Variants in CYB5A observed in about 807,000 individuals in gnomAD.
The protein encoded by CYB5A is cytochrome b5 type A, also known as cytochrome b5.
A neutral mutation model predicts 16.2 loss-of-function variants in CYB5A; 10 were observed. That is an observed-to-expected ratio of 0.62 (90% confidence interval 0.38 to 1.04). The LOEUF (loss-of-function observed/expected upper bound fraction) is 1.04, where lower values mean the gene tolerates loss of function less well. Among genes scored for constraint, CYB5A ranks in the 50% least tolerant of loss-of-function variants. The pLI, the probability that CYB5A is intolerant of heterozygous loss-of-function variation, is 0.01. For missense variants in CYB5A, 161 were observed against 165.9 expected, an observed-to-expected ratio of 0.97 and a Z score of 0.16; for synonymous variants, 62 against 57.0, an observed-to-expected ratio of 1.09 and a Z score of -0.40.
intron 1 of CYB5A, among the ~76,000 whole-genome samples, chr18:74,280,577 C>CAA (rs1298855875): frequency 4.1e-4 from 39 of 95,672 alleles, no homozygotes; most frequent in South Asian, 2.7e-3. Context: ...GACCCTGTCT[C>CAA]AAAAAAAAAA....
intron 1 of CYB5A, among the ~76,000 whole-genome samples, chr18:74,276,087 A>G (rs997607276): frequency 3.3e-5 from 5 of 152,230 alleles, no homozygotes; most frequent in African/African-American, 1.2e-4. Flanking sequence ...CTCCTCTGTG[A>G]GCCTGGCATC....
In CYB5A at chr18:74,270,359, G is replaced by A. The variant is rs992226899; in HGVS notation, c.130-6882C>T. Reference sequence around the variant, plus strand: ...TGCTTGAGGCAAGAAGTTCAATGTCGCAGTGAGCTATGACTGCATCAGTGC... The same window carrying A: ...TGCTTGAGGCAAGAAGTTCAATGTCACAGTGAGCTATGACTGCATCAGTGC... On this transcript the variant is annotated intron_variant, in intron 1 of 4. Coordinates refer to ENST00000340533, the MANE Select transcript of CYB5A (RefSeq NM_148923.4). Among the ~76,000 whole-genome samples, 12 of 152,120 alleles carry A rather than the reference G, an allele frequency of 7.9e-5. No homozygotes were observed. The South Asian group carries it at 1.2e-3, about 16-fold the overall frequency.
chr18:74,278,513 A>G (rs577110172), intron 1 of CYB5A, among the ~76,000 whole-genome samples: 1 of 152,230 alleles, frequency 6.6e-6, no homozygotes, highest in African/African-American at 2.4e-5. Context: ...TCCAGCACCA[A>G]ACCCAAGGGA....
chr18:74,291,312 AC>A (rs1983525960), intron 1 of CYB5A, among the ~76,000 whole-genome samples: 1 of 152,240 alleles, frequency 6.6e-6, no homozygotes, highest in Non-Finnish European at 1.5e-5. Flanking sequence ...CTGCTCCAGC[AC>A]CACCTAGCGA....
At chr18:74,255,887 CAGA>C in intron 3 of CYB5A, 112 bp from the exon 4 acceptor site, 1 of 828,646 alleles carries the variant, frequency 1.2e-6, no homozygotes, top group Non-Finnish European at 2.1e-6. Flanking sequence ...ATGCATTCTT[CAGA>C]AGATGTCGAA....
intron 1 of CYB5A, among the ~76,000 whole-genome samples, chr18:74,274,150 T>C (rs771586775): frequency 9.2e-5 from 14 of 152,242 alleles, no homozygotes; most frequent in Non-Finnish European, 1.8e-4. Flanking sequence ...TGATTTATAA[T>C]AGCACAATAG....
intron 1 of CYB5A, among the ~76,000 whole-genome samples, chr18:74,286,258 A>G (rs990236591): frequency 6.6e-6 from 1 of 152,174 alleles, no homozygotes; most frequent in Non-Finnish European, 1.5e-5. Flanking sequence ...ATCATGTATT[A>G]TTTTCCCCTT....
chr18:74,263,235 G>T, intron 2 of CYB5A, 114 bp downstream of exon 2: 2 of 1,357,028 alleles, frequency 1.5e-6, no homozygotes, highest in Non-Finnish European at 2.1e-6. Flanking sequence ...AAAATCAGGA[G>T]TTGTTTTTGC....
intron 3 of CYB5A, chr18:74,260,626 C>A: frequency 2.2e-6 from 1 of 457,734 alleles, no homozygotes; most frequent in South Asian, 1.8e-5. Context: ...AGATCAGAAG[C>A]ACGTGCTACC....
At chr18:74,278,035 G>C (rs1326048350) in intron 1 of CYB5A, among the ~76,000 whole-genome samples, 1 of 152,208 alleles carries the variant, frequency 6.6e-6, no homozygotes, top group Non-Finnish European at 1.5e-5. Flanking sequence ...ATATCAGTGG[G>C]TAACATCTAA....
At chr18:74,263,511 T>C (rs1228900527) in intron 1 of CYB5A, 34 bp from the exon 2 acceptor site, 6 of 1,608,994 alleles carry the variant, frequency 3.7e-6, no homozygotes, top group Non-Finnish European at 8.5e-7. Context: ...AAAATTTTTT[T>C]TTCAGGCAAA....
At chr18:74,288,613 TCAGA>T (rs1290872538) in intron 1 of CYB5A, among the ~76,000 whole-genome samples, 1 of 152,182 alleles carries the variant, frequency 6.6e-6, no homozygotes, top group Non-Finnish European at 1.5e-5. Context: ...AAAGTACGTT[TCAGA>T]CAAACAGACT....
intron 1 of CYB5A, among the ~76,000 whole-genome samples, chr18:74,264,766 A>G (rs916980658): frequency 2.0e-5 from 3 of 152,172 alleles, no homozygotes; most frequent in Non-Finnish European, 4.4e-5. Flanking sequence ...CTGCTTTAAT[A>G]TGTGAAACAA....
intron 1 of CYB5A, among the ~76,000 whole-genome samples, chr18:74,276,527 A>AACAC (rs1982880948): frequency 1.5e-5 from 1 of 64,738 alleles, no homozygotes; most frequent in African/African-American, 4.8e-5. Context: ...CAAAAGATTC[A>AACAC]GCACACACAC....
Position 74,260,962 on chromosome 18 carries a change from G to A in CYB5A, c.259-18C>T. 2 of 1,605,680 alleles carry A rather than the reference G, an allele frequency of 1.2e-6. No individual in the cohort carries two copies. Among genetic ancestry groups the A allele is most frequent in the Non-Finnish European group, 1.7e-6 (2 of 1,172,612 alleles). On this transcript the variant is annotated intron_variant, in intron 2 of 4. Coordinates refer to ENST00000340533, the MANE Select transcript of CYB5A (RefSeq NM_148923.4). ...CTGTCATCCTGCAATGAAAAGATAA[G>A]GCACATTATGGAATTTAAAAATCTA... is the stretch of plus-strand genomic sequence containing the variant.
intron 1 of CYB5A, among the ~76,000 whole-genome samples, chr18:74,276,036 C>A (rs551507225): frequency 6.6e-6 from 1 of 152,268 alleles, no homozygotes; most frequent in African/African-American, 2.4e-5. Context: ...AGCCTTAATA[C>A]TTAACTCCCT....
chr18:74,271,195 A>G (rs1982654382), intron 1 of CYB5A, among the ~76,000 whole-genome samples: 1 of 152,244 alleles, frequency 6.6e-6, no homozygotes, highest in Non-Finnish European at 1.5e-5. Flanking sequence ...GGACAGAAAA[A>G]AGTACATGAG....
intron 3 of CYB5A, chr18:74,256,153 A>G (rs935379722): frequency 5.1e-6 from 1 of 194,558 alleles, no homozygotes; most frequent in African/African-American, 2.4e-5. Context: ...CTTCAAAAGC[A>G]TGAACACAAT....
chr18:74,269,238 T>C (rs954299420), intron 1 of CYB5A, among the ~76,000 whole-genome samples: 1 of 150,842 alleles, frequency 6.6e-6, no homozygotes, highest in Non-Finnish European at 1.5e-5. Context: ...CGCAGCAGAA[T>C]TTTGCACAGT....
Sources: allele counts gnomAD v4.1 joint callset (sites outside exome capture counted in the v4.1 genomes callset), GRCh38; gene constraint gnomAD v4.1.1; transcripts MANE v1.5; gene names NCBI Gene and HGNC (gene_info 2026-07-23, HGNC 2026-07-21).